Variants in GALNT14 observed in about 807,000 individuals in gnomAD.
GALNT14 encodes polypeptide N-acetylgalactosaminyltransferase 14.
GALNT14 carries 60 observed loss-of-function variants against 77.5 expected under a neutral mutation model. That is an observed-to-expected ratio of 0.77 (90% confidence interval 0.63 to 0.96). The LOEUF (loss-of-function observed/expected upper bound fraction) is 0.96, where lower values mean the gene tolerates loss of function less well. Among genes scored for constraint, GALNT14 ranks in the 40% least tolerant of loss-of-function variants. The pLI is 0.00. For missense variants in GALNT14, 710 were observed against 731.0 expected, an observed-to-expected ratio of 0.97 and a Z score of 0.33; for synonymous variants, 280 against 281.7, an observed-to-expected ratio of 0.99 and a Z score of 0.06.
intron 1 of GALNT14, among the ~76,000 whole-genome samples, chr2:31,011,594 G>T (rs778423635): frequency 3.3e-5 from 5 of 152,102 alleles, no homozygotes; most frequent in Non-Finnish European, 1.5e-5. Context: ...GTGCCACCCT[G>T]GGGCCACAGG....
At chr2:30,919,160 A>G (rs1209652511) in intron 13 of GALNT14, among the ~76,000 whole-genome samples, 3 of 152,018 alleles carry the variant, frequency 2.0e-5, no homozygotes, top group African/African-American at 4.8e-5. Context: ...ACCTTTCACA[A>G]ATATTTTTCT....
At chr2:30,891,750 C>G in the GALNT14 span, among the ~76,000 whole-genome samples, 1 of 152,234 alleles carries the variant, frequency 6.6e-6, no homozygotes, top group African/African-American at 2.4e-5. Context: ...TTAAGTGATT[C>G]TTCCTGCATT....
chr2:30,944,956 C>A lies in GALNT14; in HGVS notation c.743-14G>T. On this transcript the variant is annotated splice_polypyrimidine_tract_variant and intron_variant, in intron 7 of 14. Coordinates refer to ENST00000349752, the MANE Select transcript of GALNT14 (RefSeq NM_024572.4). ...TCCAGTCAAACCCTACAACACAGCA[C>A]CAACCCACCTGCTTTGGTCTCTCAA... The A allele has an allele frequency of 6.3e-7, 1 of 1,590,008 alleles. No homozygotes were observed. Among genetic ancestry groups the A allele is most frequent in the South Asian group, 1.1e-5 (1 of 88,440 alleles).
chr2:30,913,542 T>C (rs568312010), intron 13 of GALNT14, among the ~76,000 whole-genome samples: 1 of 152,264 alleles, frequency 6.6e-6, no homozygotes, highest in Admixed American at 6.5e-5. Context: ...CTGAAAGCTT[T>C]AATTGTTTTC....
At chr2:31,048,731 G>A (rs763611309) in intron 1 of GALNT14, among the ~76,000 whole-genome samples, 8 of 152,014 alleles carry the variant, frequency 5.3e-5, no homozygotes, top group Non-Finnish European at 1.0e-4. Context: ...CCCACATGAT[G>A]TGCCAGGAGC....
At chr2:31,078,491 G>A (rs1364196154) in intron 1 of GALNT14, among the ~76,000 whole-genome samples, 1 of 152,202 alleles carries the variant, frequency 6.6e-6, no homozygotes, top group East Asian at 1.9e-4. Context: ...CAACTAAGTG[G>A]CTTATAGAAT....
At chr2:31,124,540 G>A (rs943460405) in intron 1 of GALNT14, among the ~76,000 whole-genome samples, 1 of 152,152 alleles carries the variant, frequency 6.6e-6, no homozygotes, top group African/African-American at 2.4e-5. Flanking sequence ...TAAAAATAAA[G>A]GTAATCGATA....
chr2:30,901,337 T>A, the GALNT14 span, among the ~76,000 whole-genome samples: 145,472 of 152,074 alleles, frequency 0.96, 69,641 homozygotes, highest in East Asian at 1. Context: ...TTGAGCTCAG[T>A]TTTACCTAAA....
At chr2:31,106,299 T>G (rs75291035) in intron 1 of GALNT14, among the ~76,000 whole-genome samples, 2,530 of 152,334 alleles carry the variant, frequency 0.017, 67 homozygotes, top group African/African-American at 0.057. Context: ...CTATTTTTTA[T>G]GTCTGTTATT....
At chr2:30,905,113 A>G in the GALNT14 span, among the ~76,000 whole-genome samples, 1 of 152,230 alleles carries the variant, frequency 6.6e-6, no homozygotes, top group Non-Finnish European at 1.5e-5. Flanking sequence ...GATGGGGAAA[A>G]AACAGAACAG....
At chr2:31,039,613 T>G (rs984138256) in intron 1 of GALNT14, among the ~76,000 whole-genome samples, 1 of 152,224 alleles carries the variant, frequency 6.6e-6, no homozygotes, top group Non-Finnish European at 1.5e-5. Context: ...CCTCAACCAC[T>G]GATAGAACCT....
intron 1 of GALNT14, among the ~76,000 whole-genome samples, chr2:31,120,080 C>T (rs1397620121): frequency 3.9e-5 from 3 of 76,868 alleles, no homozygotes; most frequent in African/African-American, 1.0e-4. Context: ...GGCGTGAACC[C>T]GGGAGGCGGA....
At chr2:30,962,491 C>T (rs1667751738) in intron 3 of GALNT14, among the ~76,000 whole-genome samples, 1 of 152,208 alleles carries the variant, frequency 6.6e-6, no homozygotes, top group African/African-American at 2.4e-5. Flanking sequence ...TGAAGGATGC[C>T]CCAAAAGGAA....
At chr2:30,908,645 A>G (rs1022556080), downstream of GALNT14, among the ~76,000 whole-genome samples, 4 of 118,784 alleles carry the variant, frequency 3.4e-5, no homozygotes, top group East Asian at 9.3e-4. Context: ...AAGGTAATTT[A>G]CAGATTCAAT....
chr2:30,942,343 G>A, intron 8 of GALNT14, 39 bp from the exon 9 acceptor site: 1 of 1,479,384 alleles, frequency 6.8e-7, no homozygotes, highest in Non-Finnish European at 9.4e-7. Flanking sequence ...ATCAGTTCTA[G>A]TGGGGAGATC....
intron 1 of GALNT14, among the ~76,000 whole-genome samples, chr2:31,051,817 C>T (rs1428069384): frequency 6.6e-6 from 1 of 152,202 alleles, no homozygotes; most frequent in African/African-American, 2.4e-5. Flanking sequence ...CAAAATAAAG[C>T]CTTCACATTG....
intron 13 of GALNT14, among the ~76,000 whole-genome samples, chr2:30,915,428 CTT>C (rs1465533736): frequency 6.6e-6 from 1 of 152,158 alleles, no homozygotes; most frequent in African/African-American, 2.4e-5. Context: ...ATTTCAATAA[CTT>C]AGCCTCGTCA....
intron 1 of GALNT14, among the ~76,000 whole-genome samples, chr2:31,027,203 G>A (rs764495659): frequency 5.3e-5 from 8 of 152,178 alleles, no homozygotes; most frequent in East Asian, 1.9e-4. Context: ...AGGCCAAGGC[G>A]GGTGGATCAC....
At chr2:30,926,054 A>G (rs751383254) in intron 11 of GALNT14, among the ~76,000 whole-genome samples, 21 of 152,142 alleles carry the variant, frequency 1.4e-4, no homozygotes, top group Non-Finnish European at 2.8e-4. Flanking sequence ...TGTCCAACTC[A>G]CTTCCTTCCA....
Sources: gnomAD v4.1 joint callset for allele counts (sites outside exome capture counted in the v4.1 genomes callset) on GRCh38, gnomAD v4.1.1 for gene constraint, MANE v1.5 for transcripts, NCBI Gene and HGNC (gene_info 2026-07-23, HGNC 2026-07-21) for gene names.